The following NEDD4 variants were observed in gnomAD, a reference collection of about 807,000 sequenced individuals.
NEDD4 encodes NEDD4 E3 ubiquitin protein ligase, also known as E3 ubiquitin-protein ligase NEDD4.
NEDD4 carries 99 observed loss-of-function variants against 144.9 expected under a neutral mutation model. That is an observed-to-expected ratio of 0.68 (90% CI 0.58 to 0.81). The LOEUF is 0.81. NEDD4 is among the 30% of genes least tolerant of loss of function. NEDD4 has a pLI of 0.00. For missense variants in NEDD4, 985 were observed against 1,065.9 expected, an observed-to-expected ratio of 0.92 and a Z score of 1.06; for synonymous variants, 318 against 350.6, an observed-to-expected ratio of 0.91 and a Z score of 1.04.
intron 24 of NEDD4, among the ~76,000 whole-genome samples, chr15:55,835,978 G>T (rs2033173271): frequency 6.6e-6 from 1 of 152,108 alleles, no homozygotes; most frequent in African/African-American, 2.4e-5. Context: ...GTATAAGCTG[G>T]TCTGTTAGCT....
In NEDD4 at chr15:55,916,827, G is replaced by A. The variant is rs186893284; in HGVS notation, c.291+7819C>T. 1.0e-4 allele frequency: 166 copies of A among 1,592,200 alleles called. No homozygotes were observed. The East Asian group carries it at 2.7e-3, about 26-fold the overall frequency. The stretch of plus-strand genomic sequence containing the variant: ...TGCAAAGTGCAATCGTAAGCTTTGT[G>A]CCATTTGTTCTCATTTCCAAACATG... On this transcript the variant is annotated intron_variant, in intron 5 of 28. Coordinates refer to ENST00000435532, the MANE Select transcript of NEDD4 (RefSeq NM_006154.4).
At chr15:55,982,122 A>C (rs998890376) in intron 1 of NEDD4, among the ~76,000 whole-genome samples, 4 of 152,202 alleles carry the variant, frequency 2.6e-5, no homozygotes, top group Non-Finnish European at 5.9e-5. Context: ...TGAAACTTCA[A>C]ATGTTGCTGA....
chr15:55,877,879 T>C (rs2035048480), intron 5 of NEDD4, among the ~76,000 whole-genome samples: 1 of 152,182 alleles, frequency 6.6e-6, no homozygotes, highest in Non-Finnish European at 1.5e-5. Context: ...GATATGGTCA[T>C]TGAGAGTCAC....
intron 1 of NEDD4, among the ~76,000 whole-genome samples, chr15:55,968,135 C>T (rs1416297714): frequency 6.6e-6 from 1 of 151,700 alleles, no homozygotes; most frequent in Non-Finnish European, 1.5e-5. Flanking sequence ...AATACTATTC[C>T]CATTCTCCCT....
intron 8 of NEDD4, 115 bp from the exon 9 acceptor site, chr15:55,863,194 A>G: frequency 1.2e-6 from 1 of 855,958 alleles, no homozygotes; most frequent in Non-Finnish European, 1.6e-6. Flanking sequence ...GAAATTATGC[A>G]TAGACAGAAT....
At chr15:55,832,083 C>T (rs2032977096) in intron 27 of NEDD4, among the ~76,000 whole-genome samples, 2 of 150,902 alleles carry the variant, frequency 1.3e-5, no homozygotes, top group African/African-American at 4.9e-5. Flanking sequence ...ACTGCATTAA[C>T]TATTCTGAAA....
intron 7 of NEDD4, among the ~76,000 whole-genome samples, chr15:55,871,711 G>T (rs946420928): frequency 6.6e-6 from 1 of 151,980 alleles, no homozygotes; most frequent in South Asian, 2.1e-4. Flanking sequence ...ATTTTACTAA[G>T]TTCCAAAAGT....
chr15:55,930,300 C>A (rs2036754622), intron 4 of NEDD4, among the ~76,000 whole-genome samples: 1 of 152,146 alleles, frequency 6.6e-6, no homozygotes, highest in Non-Finnish European at 1.5e-5. Context: ...AGAAAAAGTT[C>A]ACTGACCCTC....
At chr15:55,872,515 C>T in intron 6 of NEDD4, 39 bp from the exon 7 acceptor site, 1 of 907,888 alleles carries the variant, frequency 1.1e-6, no homozygotes, top group East Asian at 3.1e-5. Flanking sequence ...ATATCTATAA[C>T]ACCAAAAGCA....
chr15:55,988,694 TG>T (rs1243885286), intron 1 of NEDD4, among the ~76,000 whole-genome samples: 3 of 152,100 alleles, frequency 2.0e-5, no homozygotes, highest in African/African-American at 7.2e-5. Context: ...TTTCCTAGCT[TG>T]GAAGGGGGTA....
chr15:55,847,478 C>T (rs1243279476), intron 17 of NEDD4, among the ~76,000 whole-genome samples: 5 of 152,016 alleles, frequency 3.3e-5, no homozygotes, highest in African/African-American at 4.8e-5. Context: ...TAATAAAAAA[C>T]GGTATCTTCA....
rs765115367 is a variant in NEDD4 at position 55,837,856 on chromosome 15, A to G, written c.2202-7T>C. On this transcript the variant is annotated splice_polypyrimidine_tract_variant and splice_region_variant and intron_variant, in intron 23 of 28. Transcript: ENST00000435532. ...TCGCCATTGTATTACAAGACTAAAA[A>G]GAAACAACATTTCATTTTCATGTGA... 2.1e-5 allele frequency: 33 copies of G among 1,603,124 alleles called. No individual in the cohort carries two copies. The highest frequency in any genetic ancestry group is 2.4e-5 in the Non-Finnish European group (28 of 1,172,134).
intron 5 of NEDD4, among the ~76,000 whole-genome samples, chr15:55,890,677 T>C (rs1212505618): frequency 6.6e-6 from 1 of 152,238 alleles, no homozygotes. Flanking sequence ...TATGTTTTCA[T>C]TTCTCTTGGA....
intron 5 of NEDD4, among the ~76,000 whole-genome samples, chr15:55,908,626 G>C (rs371608803): frequency 1.3e-5 from 2 of 152,158 alleles, no homozygotes; most frequent in African/African-American, 4.8e-5. Flanking sequence ...TACTGAACCA[G>C]AACCAGAATC....
intron 8 of NEDD4, among the ~76,000 whole-genome samples, chr15:55,864,143 CA>C (rs1465614954): frequency 3.3e-5 from 5 of 152,166 alleles, no homozygotes; most frequent in African/African-American, 7.2e-5. Context: ...TGAGAAACCT[CA>C]CAAAAGAAAA....
At chr15:55,903,007 A>AAAAT (rs10641100) in intron 5 of NEDD4, among the ~76,000 whole-genome samples, 2,994 of 152,144 alleles carry the variant, frequency 0.02, 73 homozygotes, top group African/African-American at 0.069. Context: ...TCTCAAATAA[A>AAAAT]AAATAAATAA....
intron 7 of NEDD4, among the ~76,000 whole-genome samples, chr15:55,869,998 T>TAAA (rs2142058879): frequency 6.6e-6 from 1 of 152,192 alleles, no homozygotes; most frequent in African/African-American, 2.4e-5. Flanking sequence ...CTGGGGAGGA[T>TAAA]TCTTACCTGT....
chr15:55,945,782 G>C (rs564928489), intron 4 of NEDD4, among the ~76,000 whole-genome samples: 2 of 152,106 alleles, frequency 1.3e-5, no homozygotes, highest in East Asian at 3.9e-4. Context: ...TACCCACTAA[G>C]AGAAACCCAT....
intron 5 of NEDD4, among the ~76,000 whole-genome samples, chr15:55,874,761 G>C (rs867172849): frequency 2.0e-5 from 3 of 152,118 alleles, no homozygotes; most frequent in South Asian, 2.1e-4. Flanking sequence ...ATCACCTGAG[G>C]TCAGGAGTTA....
Sources: allele counts gnomAD v4.1 joint callset (sites outside exome capture counted in the v4.1 genomes callset), GRCh38; gene constraint gnomAD v4.1.1; transcripts MANE v1.5; gene names NCBI Gene and HGNC (gene_info 2026-07-23, HGNC 2026-07-21).